The following UGT3A1 variants were observed in gnomAD, a reference collection of about 807,000 sequenced individuals.
UGT3A1 encodes UDP glycosyltransferase family 3 member A1, also known as UDP-glycosyltransferase 3A1.
A neutral mutation model predicts 37.6 loss-of-function variants in UGT3A1; 40 were observed. The observed-to-expected ratio is 1.06, with a 90% CI of 0.83 to 1.38. UGT3A1 has a LOEUF of 1.38. Ranked by LOEUF, UGT3A1 falls within the 40% of genes most tolerant of loss-of-function variation. UGT3A1 has a pLI of 0.00. For synonymous variants in UGT3A1, 256 were observed against 232.3 expected (o/e 1.10, Z -0.93); for missense variants, 642 against 634.2 (o/e 1.01, Z -0.13).
intron 2 of UGT3A1, among the ~76,000 whole-genome samples, chr5:35,969,392 G>A (rs548145672): frequency 1.7e-3 from 257 of 152,278 alleles, no homozygotes; most frequent in Admixed American, 2.7e-3. Flanking sequence ...AAAATTACCA[G>A]AAAGAAGGTC....
intron 2 of UGT3A1, among the ~76,000 whole-genome samples, chr5:35,984,435 C>G (rs1393236959): frequency 6.7e-6 from 1 of 149,850 alleles, no homozygotes; most frequent in South Asian, 2.1e-4. Context: ...AGCTTGTTTC[C>G]TTTTTGTGAA....
At chr5:35,986,925 C>T (rs778346972) in intron 2 of UGT3A1, among the ~76,000 whole-genome samples, 16 of 152,054 alleles carry the variant, frequency 1.1e-4, no homozygotes, top group Non-Finnish European at 1.6e-4. Context: ...TGTATTATCA[C>T]ATGCACCCTG....
At chr5:35,956,565 T>G (rs1203147344) in intron 5 of UGT3A1, among the ~76,000 whole-genome samples, 2 of 152,214 alleles carry the variant, frequency 1.3e-5, no homozygotes, top group African/African-American at 2.4e-5. Flanking sequence ...CTCCAAAAAG[T>G]ATCACAAGGA....
chr5:35,955,541 T>A, intron 6 of UGT3A1, 104 bp downstream of exon 6: 1 of 1,305,190 alleles, frequency 7.7e-7, no homozygotes, highest in Non-Finnish European at 1.1e-6. Context: ...TTATTCCATG[T>A]CACAGAAGTT....
chr5:35,998,395 T>C (rs191130701), intron 1 of UGT3A1, among the ~76,000 whole-genome samples: 1 of 152,316 alleles, frequency 6.6e-6, no homozygotes, highest in East Asian at 1.9e-4. Flanking sequence ...TTATTATGGG[T>C]TACCCCCTTA....
Position 35,955,740 on chromosome 5 carries a change from T to C in UGT3A1, c.1200A>G (p.Arg400=), listed in dbSNP as rs775477816. The C allele has an allele frequency of 4.3e-6, 7 of 1,614,210 alleles. 1 individual carries two copies. In the South Asian group the frequency reaches 7.7e-5, roughly 18 times the overall value. Residue 400 remains arginine, a synonymous_variant, in exon 6 of 7, where the codon CGA becomes CGG. Transcript: ENST00000274278. ...AGACACCATAATTTTTGGCTACTAC[T>C]CGGACCATGTTTCCATGCTGGTCTC... ...VNGDQHGNMV[R]VVAKNYGVSI...
Position 35,968,805 on chromosome 5 carries a change from T to G in UGT3A1, c.197-672A>C, listed in dbSNP as rs189936421. ...AAAACTTCAACTCATTCTCCCTTGT[T>G]ACTAATGAGAACTCCAAACCAAGCA... On this transcript the variant is annotated intron_variant, in intron 2 of 6. Coordinates refer to ENST00000274278, the MANE Select transcript of UGT3A1 (RefSeq NM_152404.4). Among the ~76,000 whole-genome samples, 7 of 152,318 alleles carry G rather than the reference T, an allele frequency of 4.6e-5. No homozygotes were observed. In the East Asian group the frequency reaches 1.4e-3, roughly 29 times the overall value.
upstream of UGT3A1, among the ~76,000 whole-genome samples, chr5:35,994,366 T>C (rs1001429283): frequency 4.0e-5 from 6 of 151,122 alleles, no homozygotes; most frequent in African/African-American, 1.5e-4. Flanking sequence ...TGTGTGTGTG[T>C]GTGTGTGTTT....
Position 35,957,380 on chromosome 5 carries a change from AC to A in UGT3A1, c.882del (p.Phe295LeufsTer10). 1 of 1,614,114 alleles carries A rather than the reference AC, an allele frequency of 6.2e-7. No homozygotes were observed. Among genetic ancestry groups the A allele is most frequent in the East Asian group, 2.2e-5 (1 of 44,868 alleles). The stretch of plus-strand genomic sequence containing the variant: ...ATGGAGCCAAAGGCCACAAGGACAA[AC>A]CCTGCATCCCCAAAGTTGGCAATGA... Reference protein sequence around the residue: ...DNFIANFGDAGFVLVAFGSML... With the variant: ...DNFIANFGDAXFVLVAFGSML... On this transcript the variant is annotated frameshift_variant, in exon 5 of 7. Coordinates refer to ENST00000274278, the MANE Select transcript of UGT3A1 (RefSeq NM_152404.4). LOFTEE classifies it high-confidence loss of function.
At chr5:35,993,585 G>T (rs896733402), upstream of UGT3A1, among the ~76,000 whole-genome samples, 3 of 151,826 alleles carry the variant, frequency 2.0e-5, no homozygotes, top group Non-Finnish European at 4.4e-5. Context: ...TTTAAATTTA[G>T]AACCCTCAAA....
intron 2 of UGT3A1, among the ~76,000 whole-genome samples, chr5:35,984,942 T>G (rs1272072534): frequency 2.0e-5 from 3 of 152,080 alleles, no homozygotes; most frequent in African/African-American, 7.2e-5. Context: ...ATATATTCTA[T>G]AAGTTCAAAT....
In UGT3A1 at chr5:35,957,433, A is replaced by G; in HGVS notation, c.844-14T>C. 1 of 1,610,282 alleles carries G rather than the reference A, an allele frequency of 6.2e-7. No individual in the cohort carries two copies. Among genetic ancestry groups the G allele is most frequent in the African/African-American group, 1.3e-5 (1 of 74,898 alleles). The stretch of plus-strand genomic sequence containing the variant: ...GTTGTCCAAGTCCTAGAGAGAGATG[A>G]CAAAAGAAAGGAGGTGGCAAAATTG... On this transcript the variant is annotated splice_polypyrimidine_tract_variant and intron_variant, in intron 4 of 6. Transcript: ENST00000274278.
At chr5:35,997,960 G>A (rs1741134923) in intron 1 of UGT3A1, among the ~76,000 whole-genome samples, 1 of 152,164 alleles carries the variant, frequency 6.6e-6, no homozygotes, top group Admixed American at 6.5e-5. Flanking sequence ...CAGTGTAAGA[G>A]GAATTTCAGC....
rs1376157619 is a variant in UGT3A1, at chr5:35,988,451, T to C, written c.195A>G (p.Pro65=). ...AAAATTAGTTTTTAAAAAAGATACC[T>C]GGGATCAAAAACTTTCCACTCTGAT... ...MLHQSGKFLI[P]DIKEEEKSYQ... Residue 65 remains proline (P), a splice_region_variant and synonymous_variant, in exon 2 of 7, where the codon CCA becomes CCG. Coordinates refer to ENST00000274278, the MANE Select transcript of UGT3A1 (RefSeq NM_152404.4). 1 of 1,594,538 alleles carries C rather than the reference T, an allele frequency of 6.3e-7. No individual in the cohort carries two copies. Among genetic ancestry groups the C allele is most frequent in the African/African-American group, 1.4e-5 (1 of 73,736 alleles).
intron 2 of UGT3A1, among the ~76,000 whole-genome samples, chr5:35,969,667 G>A (rs1739957361): frequency 6.6e-6 from 1 of 152,072 alleles, no homozygotes; most frequent in South Asian, 2.1e-4. Context: ...GACACTGATT[G>A]GCTATTTTCT....
In UGT3A1 at chr5:35,998,834, A is replaced by G. The variant is rs566411314; in HGVS notation, c.-159-1505T>C. Among the ~76,000 whole-genome samples, 7 of 152,332 alleles carry G rather than the reference A, an allele frequency of 4.6e-5. No homozygotes were observed. In the South Asian group the frequency reaches 1.4e-3, roughly 32 times the overall value. On this transcript the variant is annotated intron_variant, in intron 1 of 5. Transcript: ENST00000625798. ...AACTGACTTGAGCTTGTCAACTGGC[A>G]AAAGAGAAGGCTTCAAACATTTACA...
chr5:35,960,797 T>A (rs540998189), intron 4 of UGT3A1: 1 of 152,136 alleles, frequency 6.6e-6, no homozygotes, highest in Non-Finnish European at 1.5e-5. Flanking sequence ...GGGGATGGGA[T>A]GCATGGGGAG....
At chr5:35,963,587 C>T (rs1739676317) in intron 4 of UGT3A1, among the ~76,000 whole-genome samples, 2 of 152,124 alleles carry the variant, frequency 1.3e-5, no homozygotes, top group Non-Finnish European at 2.9e-5. Flanking sequence ...AAGGGGAGGT[C>T]CTGGGGAAAG....
Position 35,951,867 on chromosome 5 carries a change from G to T in UGT3A1, c.*2335C>A, listed in dbSNP as rs764969411. 7 of 152,274 alleles carry T rather than the reference G, an allele frequency of 4.6e-5. No homozygotes were observed. In the East Asian group the frequency reaches 1.2e-3, roughly 25 times the overall value. The allele number at this position is 152,274 out of a possible 1,614,324, so 9.4% of individuals were successfully genotyped here. ...GTATAGGAATTCAGTTTTTGATATA[G>T]TGTGAAGTCTGGATCAAATATTGCC... On this transcript the variant is annotated 3_prime_UTR_variant, in exon 7 of 7. Coordinates refer to ENST00000274278, the MANE Select transcript of UGT3A1 (RefSeq NM_152404.4).
Sources: gnomAD v4.1 joint callset for allele counts (sites outside exome capture counted in the v4.1 genomes callset) on GRCh38, gnomAD v4.1.1 for gene constraint, MANE v1.5 for transcripts, NCBI Gene and HGNC (gene_info 2026-07-23, HGNC 2026-07-21) for gene names.